ICE1: variants seen among roughly 807,000 people sequenced by gnomAD.
ICE1 encodes little elongation complex subunit 1.
In ICE1, 64 loss-of-function variants were observed where a neutral mutation model predicts 192.7. That is an observed-to-expected ratio of 0.33 (90% confidence interval 0.27 to 0.41). The LOEUF (loss-of-function observed/expected upper bound fraction) is 0.41, where lower values mean the gene tolerates loss of function less well. Ranked by LOEUF, ICE1 falls within the 10% of genes least tolerant of loss-of-function variation. The pLI, the probability that ICE1 is intolerant of heterozygous loss-of-function variation, is 1.00. For synonymous variants in ICE1, 1,010 were observed against 984.5 expected (o/e 1.03, Z -0.49); for missense variants, 2,708 against 2,696.0 (o/e 1.00, Z -0.10).
chr5:5,467,118 T>C (rs1739010438), intron 14 of ICE1, among the ~76,000 whole-genome samples: 1 of 152,218 alleles, frequency 6.6e-6, no homozygotes, highest in Non-Finnish European at 1.5e-5. Context: ...ATGGGGCTTA[T>C]AAATCAGGAT....
intron 1 of ICE1, among the ~76,000 whole-genome samples, chr5:5,435,445 G>A (rs1045839650): frequency 6.6e-6 from 1 of 152,092 alleles, no homozygotes; most frequent in Non-Finnish European, 1.5e-5. Flanking sequence ...ATTACTTGGT[G>A]TAATTATTAC....
At chr5:5,433,212 T>A (rs1469520276) in intron 1 of ICE1, among the ~76,000 whole-genome samples, 3 of 152,176 alleles carry the variant, frequency 2.0e-5, no homozygotes, top group Admixed American at 2.0e-4. Context: ...GGGTCCCTGG[T>A]GTTACAGAGA....
At chr5:5,423,720 T>C (rs777974869) in intron 1 of ICE1, among the ~76,000 whole-genome samples, 2 of 152,184 alleles carry the variant, frequency 1.3e-5, no homozygotes, top group African/African-American at 2.4e-5. Flanking sequence ...CCCACGACTC[T>C]CCTAGCTGCC....
At chr5:5,428,853 A>G (rs1387148475) in intron 1 of ICE1, among the ~76,000 whole-genome samples, 4 of 152,210 alleles carry the variant, frequency 2.6e-5, no homozygotes, top group Non-Finnish European at 5.9e-5. Flanking sequence ...GAAAGTTTAA[A>G]CAGCAGAGCC....
rs1737341718 is a variant in ICE1 at position 5,422,734 on chromosome 5, A to C, written c.-182A>C. ...AGCGTTTCTTTTTAGTGCCTGAGGC[A>C]GCTCTGGCTCGGAGAGCCTTTTGCT... On this transcript the variant is annotated 5_prime_UTR_variant, in exon 1 of 19. Transcript: ENST00000296564. 1 of 370,090 alleles carries C rather than the reference A, an allele frequency of 2.7e-6. No individual in the cohort carries two copies. Among genetic ancestry groups the C allele is most frequent in the South Asian group, 1.4e-4 (1 of 7,010 alleles). The allele number at this position is 370,090 out of a possible 1,614,324, so 22.9% of individuals were successfully genotyped here.
Position 5,422,959 on chromosome 5 carries a change from C to T in ICE1, c.44C>T (p.Ala15Val). The change falls in exon 1 of 19, where the codon GCG becomes GTG. Residue 15 changes from alanine (A) to valine (V), a missense_variant. Physicochemically the swap from Ala to Val is moderately conservative, Grantham distance 64 (BLOSUM62 0). Transcript: ENST00000296564. ...ETHSAAPGTA[A>V]DLSRCQGCAS... Reference sequence around the variant, plus strand: ...CATTCGGCGGCGCCCGGGACGGCGGCGGACCTGTCGCGATGTCAGGGCTGC... The same window carrying T: ...CATTCGGCGGCGCCCGGGACGGCGGTGGACCTGTCGCGATGTCAGGGCTGC... 3 of 1,453,786 alleles carry T rather than the reference C, an allele frequency of 2.1e-6. No homozygotes were observed. Among genetic ancestry groups the T allele is most frequent in the South Asian group, 1.3e-5 (1 of 75,282 alleles). The allele number at this position is 1,453,786 out of a possible 1,614,324, so 90.1% of individuals were successfully genotyped here.
At chr5:5,466,881 G>T (rs1049180681) in intron 14 of ICE1, among the ~76,000 whole-genome samples, 1 of 152,246 alleles carries the variant, frequency 6.6e-6, no homozygotes, top group Admixed American at 6.5e-5. Flanking sequence ...CTGATGAAAA[G>T]AAGTAGATGA....
chr5:5,466,156 A>T (rs1279642700), intron 13 of ICE1, among the ~76,000 whole-genome samples, 178 bp from the exon 14 acceptor site: 1 of 152,148 alleles, frequency 6.6e-6, no homozygotes, highest in Admixed American at 6.5e-5. Context: ...CCCGACCTCG[A>T]TTCTCATGAT....
rs1402301423 is a variant in ICE1 at position 5,467,347 on chromosome 5, C to T, written c.6061+845C>T. 3.3e-5 allele frequency among the ~76,000 whole-genome samples: 5 copies of T among 152,312 alleles called. No homozygotes were observed. The Middle Eastern group carries it at 0.01, about 311-fold the overall frequency. Reference sequence around the variant, plus strand: ...TCACAAAAACACACATGAAGTTCAGCAGTTGGTGGGTGGTGGGACGGAACG... The same window carrying T: ...TCACAAAAACACACATGAAGTTCAGTAGTTGGTGGGTGGTGGGACGGAACG... On this transcript the variant is annotated intron_variant, in intron 14 of 18. Coordinates refer to ENST00000296564, the MANE Select transcript of ICE1 (RefSeq NM_015325.3).
At chr5:5,428,591 A>G (rs1419579164) in intron 1 of ICE1, among the ~76,000 whole-genome samples, 1 of 152,230 alleles carries the variant, frequency 6.6e-6, no homozygotes, top group African/African-American at 2.4e-5. Context: ...GTCTGCACAC[A>G]TACACTTTGT....
In ICE1 at chr5:5,489,406, C is replaced by G. The variant is rs138686835; in HGVS notation, c.*76C>G. ...AATAGTTTGATCAGCTTTCAGAATA[C>G]AAAGGGAGGTTTCAAAACAAAAAGA... is the stretch of plus-strand genomic sequence containing the variant. On this transcript the variant is annotated 3_prime_UTR_variant, in exon 19 of 19. Transcript: ENST00000296564. 23 of 1,295,208 alleles carry G rather than the reference C, an allele frequency of 1.8e-5. No individual in the cohort carries two copies. Among genetic ancestry groups the G allele is most frequent in the Non-Finnish European group, 2.1e-5 (20 of 956,416 alleles). 80.2% of individuals were successfully genotyped at this position (1,295,208 alleles called of 1,614,324 possible).
At chr5:5,452,423 A>G (rs866077504) in intron 10 of ICE1, among the ~76,000 whole-genome samples, 3 of 152,060 alleles carry the variant, frequency 2.0e-5, no homozygotes, top group African/African-American at 7.2e-5. Context: ...AGAACAACCC[A>G]TTCTCAAGTG....
chr5:5,447,662 G>T (rs1226259870), intron 8 of ICE1, 59 bp from the exon 9 acceptor site: 5 of 1,485,564 alleles, frequency 3.4e-6, no homozygotes, highest in Non-Finnish European at 3.7e-6. Flanking sequence ...TTTACATTTG[G>T]TCTAGAATGG....
In ICE1 at chr5:5,462,447, C is replaced by G. The variant is rs1342034305; in HGVS notation, c.3113C>G (p.Ser1038Cys). 3 of 1,613,862 alleles carry G rather than the reference C, an allele frequency of 1.9e-6. No individual in the cohort carries two copies. Among genetic ancestry groups the G allele is most frequent in the African/African-American group, 2.7e-5 (2 of 74,924 alleles). ...GGEALAVAND[S>C]TSTPQNANGL... ...GAGGCCCTGGCTGTTGCAAATGATT[C>G]TACCAGCACACCACAAAATGCTAAT... Residue 1038 changes from serine to cysteine, a missense_variant, in exon 13 of 19, where the codon TCT becomes TGT. Coordinates refer to ENST00000296564, the MANE Select transcript of ICE1 (RefSeq NM_015325.3).
chr5:5,462,605 C>T lies in ICE1; in HGVS notation c.3271C>T (p.Pro1091Ser), dbSNP rs751060762. 4.3e-6 allele frequency: 7 copies of T among 1,613,932 alleles called. No homozygotes were observed. The highest frequency in any genetic ancestry group is 2.7e-5 in the African/African-American group (2 of 74,984). ...ACAGGATACCTCCCAAAGTAGCCTGCCTGGTACCTTACATTGTTACACAGG... is the reference window on the plus strand; with the variant it reads ...ACAGGATACCTCCCAAAGTAGCCTGTCTGGTACCTTACATTGTTACACAGG... ...ETQDTSQSSL[P>S]GTLHCYTGIR... Residue 1091 changes from proline to serine, a missense_variant, in exon 13 of 19, where the codon CCT becomes TCT. Physicochemically the swap from Pro to Ser is moderately conservative, Grantham distance 74. Around this residue, in one of 2 missense-constraint regions of ICE1, gnomAD observed 2,366 missense variants for 2,276.6 expected, o/e 1.04. Transcript: ENST00000296564.
At chr5:5,426,543 A>T (rs1305572402) in intron 1 of ICE1, among the ~76,000 whole-genome samples, 1 of 152,144 alleles carries the variant, frequency 6.6e-6, no homozygotes, top group African/African-American at 2.4e-5. Context: ...CTTTGAAACC[A>T]TGAGGCCAAT....
chr5:5,463,889 A>G lies in ICE1; in HGVS notation c.4555A>G (p.Ile1519Val). 1.2e-6 allele frequency: 2 copies of G among 1,614,018 alleles called. No individual in the cohort carries two copies. Among genetic ancestry groups the G allele is most frequent in the South Asian group, 1.1e-5 (1 of 91,086 alleles). Residue 1519 changes from isoleucine to valine, a missense_variant, in exon 13 of 19, where the codon ATA becomes GTA. Transcript: ENST00000296564. ...RLRNRPVKPS[I>V]WISSQIYDQN... ...GCGAAATAGACCCGTTAAGCCTAGT[A>G]TATGGATTAGTTCTCAAATCTATGA...
intron 1 of ICE1, among the ~76,000 whole-genome samples, chr5:5,435,684 G>T (rs1971091): frequency 0.46 from 52,946 of 114,660 alleles, 11,069 homozygotes; most frequent in African/African-American, 0.61. Context: ...TTTTGTTTTT[G>T]TTTTTTTTTT....
Position 5,464,447 on chromosome 5 carries a change from G to A in ICE1, c.5113G>A (p.Ala1705Thr). The A allele has an allele frequency of 6.2e-7, 1 of 1,613,914 alleles. No individual in the cohort carries two copies. The highest frequency in any genetic ancestry group is 8.5e-7 in the Non-Finnish European group (1 of 1,179,882). ...TTCTCCATCTCCATCTGCAGCTTCA[G>A]CCAGTGAGAGGGTAGTGCCGTCTCC... ...DPSPSPSAAS[A>T]SERVVPSPLQ... is the part of the protein sequence containing the mutation. The change falls in exon 13 of 19, where the codon GCC becomes ACC. Residue 1705 changes from alanine (A) to threonine (T), a missense_variant. Ala to Thr is a moderately conservative substitution (Grantham distance 58, BLOSUM62 0). Coordinates refer to ENST00000296564, the MANE Select transcript of ICE1 (RefSeq NM_015325.3). The surrounding 1 kb of genome is among the most constrained non-coding windows in gnomAD (Gnocchi z 4.0).
Sources: gnomAD v4.1 joint callset for allele counts (sites outside exome capture counted in the v4.1 genomes callset) on GRCh38, gnomAD v4.1.1 for gene constraint, gnomAD v4.1.1 regional missense constraint, Gnocchi (gnomAD v3.1) non-coding constraint, MANE v1.5 for transcripts, NCBI Gene and HGNC (gene_info 2026-07-23, HGNC 2026-07-21) for gene names.